Variants in ESR1 observed in about 807,000 individuals in gnomAD.
ESR1 encodes the protein estrogen receptor.
Under a neutral mutation model 52.7 loss-of-function variants are expected in ESR1, and 12 were observed. That is an observed-to-expected ratio of 0.23 (90% CI 0.15 to 0.37). ESR1 has a LOEUF of 0.37. Ranked by LOEUF, ESR1 falls within the 10% of genes least tolerant of loss-of-function variation. The pLI, the probability that ESR1 is intolerant of heterozygous loss-of-function variation, is 1.00. For synonymous variants in ESR1, 305 were observed against 316.8 expected (o/e 0.96, Z 0.39); for missense variants, 584 against 779.7 (o/e 0.75, Z 2.99).
intron 1 of ESR1, among the ~76,000 whole-genome samples, chr6:151,682,198 G>A (rs1021188973): frequency 2.0e-5 from 3 of 152,180 alleles, no homozygotes; most frequent in African/African-American, 7.2e-5. Context: ...TAATCTGTGT[G>A]CACCTTTGTT....
At chr6:151,988,760 A>T (rs1562637744) in intron 4 of ESR1, among the ~76,000 whole-genome samples, 1 of 152,130 alleles carries the variant, frequency 6.6e-6, no homozygotes, top group Admixed American at 6.5e-5. Context: ...CAAAAAGGAT[A>T]TATTTGCATC....
At chr6:151,873,667 C>T (rs1048666775) in intron 2 of ESR1, among the ~76,000 whole-genome samples, 1 of 152,186 alleles carries the variant, frequency 6.6e-6, no homozygotes, top group Non-Finnish European at 1.5e-5. Flanking sequence ...TAGTCTTTCA[C>T]TGATAAAACT....
At chr6:152,093,827 C>T (rs2050398440) in intron 6 of ESR1, among the ~76,000 whole-genome samples, 2 of 152,188 alleles carry the variant, frequency 1.3e-5, no homozygotes, top group South Asian at 4.1e-4. Context: ...TAGCCAATCG[C>T]TCATCACTCT....
intron 2 of ESR1, among the ~76,000 whole-genome samples, chr6:151,785,887 A>G (rs1196351966): frequency 6.6e-6 from 1 of 152,200 alleles, no homozygotes; most frequent in South Asian, 2.1e-4. Flanking sequence ...TTGAGTGTGA[A>G]GGAGGGGTTA....
intron 5 of ESR1, among the ~76,000 whole-genome samples, chr6:152,041,974 A>G (rs944865314): frequency 1.3e-5 from 2 of 152,218 alleles, no homozygotes; most frequent in Non-Finnish European, 2.9e-5. Flanking sequence ...TAAGCTTACA[A>G]TAATCCACTG....
chr6:151,657,806 T>C (rs1013661583), intron 1 of ESR1, among the ~76,000 whole-genome samples: 3 of 152,306 alleles, frequency 2.0e-5, no homozygotes, highest in African/African-American at 4.8e-5. Context: ...ACATGAAATT[T>C]TGGGTTTTTT....
At chr6:151,878,190 A>G (rs1562504209) in intron 2 of ESR1, among the ~76,000 whole-genome samples, 2 of 152,156 alleles carry the variant, frequency 1.3e-5, no homozygotes, top group Admixed American at 1.3e-4. Context: ...TAAACACTGA[A>G]AGTTTCTTTA....
At chr6:151,771,401 T>C (rs904229980) in intron 2 of ESR1, among the ~76,000 whole-genome samples, 6 of 152,248 alleles carry the variant, frequency 3.9e-5, no homozygotes, top group Admixed American at 6.5e-5. Context: ...CTAAAGTTTC[T>C]ACTTTTCCCA....
At chr6:151,918,196 T>C (rs2030773323) in intron 3 of ESR1, among the ~76,000 whole-genome samples, 1 of 152,218 alleles carries the variant, frequency 6.6e-6, no homozygotes, top group Non-Finnish European at 1.5e-5. Flanking sequence ...CTTCCCTCAT[T>C]GCTGAGTTTG....
intron 6 of ESR1, among the ~76,000 whole-genome samples, chr6:152,079,017 G>T (rs1259538976): frequency 6.6e-6 from 1 of 152,222 alleles, no homozygotes; most frequent in Non-Finnish European, 1.5e-5. Context: ...GCTCAGCAAG[G>T]CCTACTGCCT....
intron 5 of ESR1, among the ~76,000 whole-genome samples, chr6:152,042,037 C>G (rs752140823): frequency 6.6e-6 from 1 of 152,184 alleles, no homozygotes; most frequent in African/African-American, 2.4e-5. Context: ...GAAAGTTGAA[C>G]GGGGATGTGG....
chr6:152,128,784 T>C (rs1207046447), exon 7 of ESR1: 10 of 152,290 alleles, frequency 6.6e-5, no homozygotes, highest in Middle Eastern at 3.4e-3. Context: ...CAAGTCTCAA[T>C]GTAAAGGAAC....
At chr6:151,813,611 A>C (rs1469292565) in intron 1 of ESR1, 2 of 152,214 alleles carry the variant, frequency 1.3e-5, no homozygotes, top group Non-Finnish European at 2.9e-5. Context: ...ATTGCTATAC[A>C]AAAAATTTAA....
At chr6:151,742,094 T>C (rs1464587163) in intron 2 of ESR1, among the ~76,000 whole-genome samples, 2 of 152,234 alleles carry the variant, frequency 1.3e-5, no homozygotes, top group South Asian at 4.1e-4. Context: ...ATCCATGTTG[T>C]GGCAAATGGC....
At chr6:152,007,811 T>C (rs1370398165) in intron 4 of ESR1, among the ~76,000 whole-genome samples, 3 of 152,114 alleles carry the variant, frequency 2.0e-5, no homozygotes. Context: ...CTATCACTGA[T>C]ACCTCTCCTT....
At chr6:152,008,872 G>A (rs116963776) in intron 4 of ESR1, among the ~76,000 whole-genome samples, 1,902 of 152,174 alleles carry the variant, frequency 0.012, 22 homozygotes, top group Admixed American at 0.022. Flanking sequence ...AAAAATTGGG[G>A]TGAAATCTTA....
At chr6:151,771,078 A>G (rs1785473208) in intron 2 of ESR1, among the ~76,000 whole-genome samples, 1 of 152,238 alleles carries the variant, frequency 6.6e-6, no homozygotes, top group African/African-American at 2.4e-5. Context: ...ATCACTGGAA[A>G]ATAGTGTCCA....
intron 6 of ESR1, among the ~76,000 whole-genome samples, chr6:152,065,297 T>C (rs2047878562): frequency 6.6e-6 from 1 of 152,158 alleles, no homozygotes; most frequent in Non-Finnish European, 1.5e-5. Flanking sequence ...TGAGAGACCC[T>C]GATGAAAACT....
intron 1 of ESR1, among the ~76,000 whole-genome samples, chr6:151,669,110 C>T (rs933797580): frequency 2.4e-4 from 30 of 122,808 alleles, no homozygotes; most frequent in African/African-American, 7.5e-4. Flanking sequence ...TGCTTCGGGG[C>T]GACTCACAAC....
Sources: allele counts gnomAD v4.1 joint callset (sites outside exome capture counted in the v4.1 genomes callset), GRCh38; gene constraint gnomAD v4.1.1; transcripts MANE v1.5; gene names NCBI Gene and HGNC (gene_info 2026-07-23, HGNC 2026-07-21).